Variants in CHST9 observed in about 807,000 individuals in gnomAD.
CHST9 encodes the protein carbohydrate sulfotransferase 9, also known as GalNAc-4-sulfotransferase 2.
CHST9 carries 41 observed loss-of-function variants against 44.4 expected under a neutral mutation model. The ratio of observed to expected loss-of-function variants is 0.92; its 90% confidence interval spans 0.72 to 1.20. The LOEUF (loss-of-function observed/expected upper bound fraction) is 1.20. Among genes scored for constraint, CHST9 ranks in the 50% most tolerant of loss-of-function variants. The pLI is 0.00. For synonymous variants in CHST9, 171 were observed against 178.4 expected, an observed-to-expected ratio of 0.96 and a Z score of 0.33; for missense variants, 504 against 516.5, an observed-to-expected ratio of 0.98 and a Z score of 0.23.
chr18:27,026,336 T>G (rs1182969355), intron 3 of CHST9, among the ~76,000 whole-genome samples: 2 of 152,192 alleles, frequency 1.3e-5, no homozygotes, highest in Non-Finnish European at 2.9e-5. Flanking sequence ...ACTGGGATGA[T>G]CCAGTCTGGT....
intron 2 of CHST9, among the ~76,000 whole-genome samples, chr18:27,059,053 T>C (rs529479682): frequency 5.3e-5 from 8 of 152,308 alleles, no homozygotes; most frequent in African/African-American, 1.9e-4. Flanking sequence ...ATTCAGCATT[T>C]TAGCATCTAA....
chr18:27,153,568 A>ATGTGTG (rs35308421), intron 1 of CHST9, among the ~76,000 whole-genome samples: 3 of 120,816 alleles, frequency 2.5e-5, no homozygotes, highest in Admixed American at 8.4e-5. Context: ...GTGTGTGTGT[A>ATGTGTG]TGTGTGTGTG....
At chr18:26,922,928 G>A (rs1202210176) in intron 5 of CHST9, among the ~76,000 whole-genome samples, 4 of 152,266 alleles carry the variant, frequency 2.6e-5, no homozygotes, top group South Asian at 2.1e-4. Context: ...GAGCCCCTGC[G>A]CCTGGCCAAT....
chr18:27,052,107 G>T (rs895687547), intron 2 of CHST9, among the ~76,000 whole-genome samples: 1 of 151,882 alleles, frequency 6.6e-6, no homozygotes, highest in East Asian at 1.9e-4. Context: ...ACAATTCTCA[G>T]CCCCTATGTT....
rs148829314 is a variant in CHST9 at position 27,164,909 on chromosome 18, G to C, written c.-97+20227C>G. The stretch of plus-strand genomic sequence containing the variant: ...ATCAATGTGTCAATCAAGGTTGTGT[G>C]TGTAAAATAAACATTTTCAGACAAG... On this transcript the variant is annotated intron_variant, in intron 1 of 5. Coordinates refer to ENST00000618847, the MANE Select transcript of CHST9 (RefSeq NM_031422.6). Among the ~76,000 whole-genome samples, 2 of 152,300 alleles carry C rather than the reference G, an allele frequency of 1.3e-5. 1 individual carries two copies. Among genetic ancestry groups the C allele is most frequent in the East Asian group, 3.9e-4 (2 of 5,190 alleles).
At chr18:27,146,332 T>C (rs1017975411) in intron 1 of CHST9, among the ~76,000 whole-genome samples, 2 of 152,206 alleles carry the variant, frequency 1.3e-5, no homozygotes, top group Non-Finnish European at 2.9e-5. Flanking sequence ...AAAGGCAATC[T>C]GGTGTAAAAT....
At chr18:27,130,432 A>T (rs1248240506) in intron 2 of CHST9, among the ~76,000 whole-genome samples, 1 of 152,250 alleles carries the variant, frequency 6.6e-6, no homozygotes, top group Admixed American at 6.5e-5. Flanking sequence ...CTGAATAGCA[A>T]TCAGTGTATC....
intron 2 of CHST9, among the ~76,000 whole-genome samples, chr18:27,115,998 TTATTG>T (rs1430200903): frequency 6.6e-6 from 1 of 152,222 alleles, no homozygotes; most frequent in Non-Finnish European, 1.5e-5. Flanking sequence ...TTGTTTCTCA[TTATTG>T]AGTTGTAAGT....
At chr18:27,011,018 G>A (rs1252885012) in intron 4 of CHST9, among the ~76,000 whole-genome samples, 1 of 152,136 alleles carries the variant, frequency 6.6e-6, no homozygotes, top group African/African-American at 2.4e-5. Flanking sequence ...TTCAGATATT[G>A]TAAAGGCTCC....
intron 2 of CHST9, among the ~76,000 whole-genome samples, chr18:27,075,245 C>T (rs1404753798): frequency 3.3e-5 from 5 of 150,294 alleles, no homozygotes; most frequent in Non-Finnish European, 7.4e-5. Flanking sequence ...ATATTTGTCA[C>T]GCTCAGTTTA....
At chr18:26,950,142 C>G (rs147205939) in intron 4 of CHST9, among the ~76,000 whole-genome samples, 3,423 of 152,300 alleles carry the variant, frequency 0.022, 73 homozygotes, top group Middle Eastern at 0.041. Flanking sequence ...TTTTTCTCAG[C>G]TGTTCCTCAA....
chr18:27,092,301 A>AT (rs1054107587), intron 2 of CHST9, among the ~76,000 whole-genome samples: 3 of 151,708 alleles, frequency 2.0e-5, no homozygotes, highest in African/African-American at 4.8e-5. Context: ...CCCCTTTATG[A>AT]TTTTTTGTTG....
At chr18:27,095,989 T>A (rs535432229) in intron 2 of CHST9, among the ~76,000 whole-genome samples, 38 of 152,208 alleles carry the variant, frequency 2.5e-4, no homozygotes, top group African/African-American at 7.7e-4. Context: ...GGACATTTTT[T>A]AAAATCTGCA....
Position 26,947,756 on chromosome 18 carries a change from G to A in CHST9, c.203-3390C>T, listed in dbSNP as rs536763486. Among the ~76,000 whole-genome samples, 15 of 152,272 alleles carry A rather than the reference G, an allele frequency of 9.9e-5. No homozygotes were observed. In the South Asian group the frequency reaches 2.5e-3, roughly 25 times the overall value. On this transcript the variant is annotated intron_variant, in intron 4 of 5. Transcript: ENST00000618847. ...TAAAAAGTCAGGAACAACAGGTGCTGGAGATAATGTGGAGAAATAGGAATC... is the reference window on the plus strand; with the variant it reads ...TAAAAAGTCAGGAACAACAGGTGCTAGAGATAATGTGGAGAAATAGGAATC...
rs2057379391 is a variant in CHST9 at position 27,035,293 on chromosome 18, T to C, written c.161-11136A>G. Among the ~76,000 whole-genome samples, 4 of 152,208 alleles carry C rather than the reference T, an allele frequency of 2.6e-5. No homozygotes were observed. In the South Asian group the frequency reaches 6.2e-4, roughly 24 times the overall value. Reference sequence around the variant, plus strand: ...TATTTTCATATACCTATTGGCCATTTGTATGCATTCTTTTGAGCAGTGTTT... The same window carrying C: ...TATTTTCATATACCTATTGGCCATTCGTATGCATTCTTTTGAGCAGTGTTT... On this transcript the variant is annotated intron_variant, in intron 3 of 5. Coordinates refer to ENST00000618847, the MANE Select transcript of CHST9 (RefSeq NM_031422.6).
chr18:27,060,980 T>C (rs993796104), intron 2 of CHST9, among the ~76,000 whole-genome samples: 1 of 152,184 alleles, frequency 6.6e-6, no homozygotes, highest in Non-Finnish European at 1.5e-5. Flanking sequence ...TTCTTGCCAA[T>C]AAAAAGACAC....
At chr18:27,168,807 T>C (rs1249922438) in intron 1 of CHST9, among the ~76,000 whole-genome samples, 1 of 152,140 alleles carries the variant, frequency 6.6e-6, no homozygotes, top group Admixed American at 6.5e-5. Flanking sequence ...TAAAGAAATT[T>C]TACAGAAATA....
intron 2 of CHST9, among the ~76,000 whole-genome samples, chr18:27,096,590 C>A (rs72882402): frequency 0.068 from 10,273 of 151,750 alleles, 438 homozygotes; most frequent in East Asian, 0.14. Flanking sequence ...TCAGAAATAA[C>A]AAGGGTGTCA....
chr18:26,986,807 T>C (rs2056759341), intron 4 of CHST9, among the ~76,000 whole-genome samples: 1 of 152,152 alleles, frequency 6.6e-6, no homozygotes. Context: ...AAACAACCTG[T>C]CAATCTAGAG....
Sources: allele counts gnomAD v4.1 joint callset (sites outside exome capture counted in the v4.1 genomes callset), GRCh38; gene constraint gnomAD v4.1.1; transcripts MANE v1.5; gene names NCBI Gene and HGNC (gene_info 2026-07-23, HGNC 2026-07-21).